MRC2: variants seen among roughly 807,000 people sequenced by gnomAD.
MRC2 encodes C-type mannose receptor 2.
In MRC2, 84 loss-of-function variants were observed where a neutral mutation model predicts 206.2. The ratio of observed to expected loss-of-function variants is 0.41; its 90% confidence interval spans 0.34 to 0.49. The LOEUF is 0.49. Among genes scored for constraint, MRC2 ranks in the 20% least tolerant of loss-of-function variants. The probability of loss-of-function intolerance (pLI) is 0.31; values close to 1 mark genes in which losing one functional copy is unlikely to be tolerated. For synonymous variants in MRC2, 798 were observed against 800.0 expected, an observed-to-expected ratio of 1.00 and a Z score of 0.04; for missense variants, 1,676 against 2,001.5, an observed-to-expected ratio of 0.84 and a Z score of 3.10.
Position 62,692,259 on chromosome 17 carries a change from G to C in MRC2, c.4248G>C (p.Val1416=). The C allele has an allele frequency of 6.2e-7, 1 of 1,608,716 alleles. No individual in the cohort carries two copies. The highest frequency in any genetic ancestry group is 8.5e-7 in the Non-Finnish European group (1 of 1,177,488). The change falls in exon 30 of 30, where the codon GTG becomes GTC. Residue 1416 remains valine, a synonymous_variant. Transcript: ENST00000303375. The surrounding 1 kb of genome is among the most constrained non-coding windows in gnomAD (Gnocchi z 4.2). ...TTCCAGAGAACCCAGCGGCCCTGGTGGTGGTGCTGATGGCGGTGCTGCTGC... is the reference window on the plus strand; with the variant it reads ...TTCCAGAGAACCCAGCGGCCCTGGTCGTGGTGCTGATGGCGGTGCTGCTGC... The part of the protein sequence containing the change: ...SALPENPAAL[V]VVLMAVLLLL...
In MRC2 at chr17:62,676,370, C is replaced by G. The variant is rs1282228985; in HGVS notation, c.1686-13C>G. 1.2e-6 allele frequency: 2 copies of G among 1,613,746 alleles called. No homozygotes were observed. Among genetic ancestry groups the G allele is most frequent in the Non-Finnish European group, 1.7e-6 (2 of 1,179,922 alleles). On this transcript the variant is annotated splice_polypyrimidine_tract_variant and intron_variant, in intron 10 of 29. Coordinates refer to ENST00000303375, the MANE Select transcript of MRC2 (RefSeq NM_006039.5). ...CAGGGAGATCCCTGCCCTGACCAGC[C>G]TGTCTCCTGAAGGTTCGAGCAGGCC...
chr17:62,684,888 C>T (rs1419323866), intron 20 of MRC2, among the ~76,000 whole-genome samples: 1 of 152,202 alleles, frequency 6.6e-6, no homozygotes, highest in Non-Finnish European at 1.5e-5. Flanking sequence ...TGCCTGTAAT[C>T]CCAGCACTTT....
chr17:62,651,637 C>A (rs1433706458), intron 1 of MRC2, among the ~76,000 whole-genome samples: 1 of 152,172 alleles, frequency 6.6e-6, no homozygotes, highest in African/African-American at 2.4e-5. Context: ...TGCAGTGGTG[C>A]GATCTGGGCT....
intron 2 of MRC2, among the ~76,000 whole-genome samples, chr17:62,665,420 A>G (rs1273660467): frequency 2.0e-5 from 3 of 151,930 alleles, no homozygotes; most frequent in Admixed American, 6.6e-5. Context: ...CCACAAAAAA[A>G]AAAAGAAAAG....
chr17:62,689,661 C>T lies in MRC2; in HGVS notation c.3474C>T (p.Ala1158=). The T allele has an allele frequency of 6.3e-7, 1 of 1,593,848 alleles. No individual in the cohort carries two copies. Among genetic ancestry groups the T allele is most frequent in the Middle Eastern group, 1.7e-4 (1 of 6,048 alleles). ...TCCTGCTGTGTGAGAGCCGCAATGC[C>T]AGCCTGGCCTACGTGCCCGACCCCT... ...DALLLCESRN[A]SLAYVPDPYT... is the part of the protein sequence containing the mutation. Residue 1158 remains alanine (A), a synonymous_variant, in exon 24 of 30, where the codon GCC becomes GCT. Coordinates refer to ENST00000303375, the MANE Select transcript of MRC2 (RefSeq NM_006039.5).
In MRC2 at chr17:62,692,013, A is replaced by G; in HGVS notation, c.4193-99A>G. The G allele has an allele frequency of 6.5e-7, 1 of 1,532,116 alleles. No individual in the cohort carries two copies. The highest frequency in any genetic ancestry group is 9.0e-7 in the Non-Finnish European group (1 of 1,113,124). 94.9% of individuals were successfully genotyped at this position (1,532,116 alleles called of 1,614,324 possible). A position where few individuals can be genotyped will look rare whatever the true frequency, so the allele number is the denominator to read the frequency against. ...GGGGAACTAGAGCCTCTTTCTCCCC[A>G]GACCTCCCGGCCCAGGCCTGTGTGC... On this transcript the variant is annotated intron_variant, in intron 28 of 29. Transcript: ENST00000303375. The surrounding 1 kb of genome is among the most constrained non-coding windows in gnomAD (Gnocchi z 4.2).
intron 12 of MRC2, among the ~76,000 whole-genome samples, 195 bp from the exon 13 acceptor site, chr17:62,678,309 C>A (rs1313590455): frequency 6.6e-6 from 1 of 152,172 alleles, no homozygotes; most frequent in Non-Finnish European, 1.5e-5. Flanking sequence ...GGCTCAGGGG[C>A]CCTCTCCAGA....
intron 6 of MRC2, among the ~76,000 whole-genome samples, chr17:62,669,598 C>T (rs1259475198): frequency 6.6e-6 from 1 of 152,040 alleles, no homozygotes; most frequent in Non-Finnish European, 1.5e-5. Flanking sequence ...GGCACAATCT[C>T]CACTCACTGC....
chr17:62,653,318 A>T (rs954890602), intron 1 of MRC2, among the ~76,000 whole-genome samples: 1 of 152,104 alleles, frequency 6.6e-6, no homozygotes, highest in Non-Finnish European at 1.5e-5. Context: ...TTGCCTTCCC[A>T]GAGAACCCCA....
chr17:62,677,103 C>T (rs2088902372), intron 11 of MRC2, among the ~76,000 whole-genome samples, 166 bp from the exon 12 acceptor site: 1 of 152,260 alleles, frequency 6.6e-6, no homozygotes, highest in Admixed American at 6.5e-5. Flanking sequence ...GGCTCTGCCT[C>T]CATTCCCTTC....
Position 62,680,762 on chromosome 17 carries a change from GCCTGGCCGCCGCT to G in MRC2, c.2474-35_2474-23del. 1 of 1,524,224 alleles carries G rather than the reference GCCTGGCCGCCGCT, an allele frequency of 6.6e-7. No homozygotes were observed. Among genetic ancestry groups the G allele is most frequent in the Non-Finnish European group, 8.8e-7 (1 of 1,137,738 alleles). The allele number at this position is 1,524,224 out of a possible 1,614,324, so 94.4% of individuals were successfully genotyped here. On this transcript the variant is annotated intron_variant, in intron 16 of 29. Transcript: ENST00000303375. The surrounding 1 kb of genome is among the most constrained non-coding windows in gnomAD (Gnocchi z 4.8). ...CTCCGGGGCCTGGCGTGCAGCCTCTGCCTGGCCGCCGCTCCCACGCCCGCGCTGCTCCTGCAGG... is the reference window on the plus strand; with the variant it reads ...CTCCGGGGCCTGGCGTGCAGCCTCTGCCCACGCCCGCGCTGCTCCTGCAGG...
chr17:62,676,563 G>T (rs2088895143), intron 11 of MRC2, 32 bp downstream of exon 11: 1 of 1,553,610 alleles, frequency 6.4e-7, no homozygotes, highest in African/African-American at 1.4e-5. Context: ...CCTTGGTGAA[G>T]CGAGGAGGGA....
At chr17:62,688,018 G>A (rs2089053473) in intron 20 of MRC2, among the ~76,000 whole-genome samples, 1 of 152,240 alleles carries the variant, frequency 6.6e-6, no homozygotes, top group Admixed American at 6.5e-5. Flanking sequence ...GCTTGGCCTA[G>A]GCACTGTTGT....
chr17:62,682,006 A>C, intron 19 of MRC2, 69 bp downstream of exon 19: 1 of 1,354,948 alleles, frequency 7.4e-7, no homozygotes, highest in Non-Finnish European at 1.0e-6. Flanking sequence ...GAGCCTGGGC[A>C]GAAGTCATCA....
In MRC2 at chr17:62,674,158, T is replaced by C. The variant is rs1022831687; in HGVS notation, c.1557T>C (p.His519=). The C allele has an allele frequency of 2.6e-6, 4 of 1,549,348 alleles. No individual in the cohort carries two copies. Among genetic ancestry groups the C allele is most frequent in the African/African-American group, 2.7e-5 (2 of 72,996 alleles). ...GCCAGGGGGCCGCCGAGGAGGACCA[T>C]GGCTGCCGGAAGGTGAGGGTGTTTC... ...QLSQGAAEED[H]GCRKGWTWHS... The change falls in exon 9 of 30, where the codon CAT becomes CAC. Residue 519 remains histidine, a synonymous_variant. Transcript: ENST00000303375.
In MRC2 at chr17:62,689,540, C is replaced by A; in HGVS notation, c.3353C>A (p.Ser1118Tyr). 1 of 1,584,644 alleles carries A rather than the reference C, an allele frequency of 6.3e-7. No individual in the cohort carries two copies. Residue 1118 changes from serine to tyrosine, a missense_variant, in exon 24 of 30, where the codon TCC becomes TAC. By Grantham distance (144) the Ser-to-Tyr change is moderately radical (BLOSUM62 -2). Around this residue, in one of 3 missense-constraint regions of MRC2, gnomAD observed 1,354 missense variants for 1,636.6 expected, o/e 0.83. Transcript: ENST00000303375. ...CCTGTAGACCCCTCCCTGAGCCCGT[C>A]CCCAGCAGCGCTGCCCCCCGCCCCG... is the stretch of plus-strand genomic sequence containing the variant. Reference protein sequence around the residue: ...QKGTDPSLSPSPAALPPAPGT... With the variant: ...QKGTDPSLSPYPAALPPAPGT...
At chr17:62,649,358 A>T (rs2088527621) in intron 1 of MRC2, among the ~76,000 whole-genome samples, 1 of 152,264 alleles carries the variant, frequency 6.6e-6, no homozygotes, top group African/African-American at 2.4e-5. Context: ...TGGGAGGCTG[A>T]GGCAGATGGA....
chr17:62,682,975 T>C (rs1477137174), intron 20 of MRC2, among the ~76,000 whole-genome samples: 1 of 152,140 alleles, frequency 6.6e-6, no homozygotes, highest in African/African-American at 2.4e-5. Context: ...ATTTTGATAA[T>C]GAACTCCTAT....
At chr17:62,655,971 C>T (rs1319145692) in intron 1 of MRC2, among the ~76,000 whole-genome samples, 1 of 152,134 alleles carries the variant, frequency 6.6e-6, no homozygotes, top group African/African-American at 2.4e-5. Context: ...CTCACTACTG[C>T]CTCAGACTCC....
Sources: gnomAD v4.1 joint callset for allele counts (sites outside exome capture counted in the v4.1 genomes callset) on GRCh38, gnomAD v4.1.1 for gene constraint, gnomAD v4.1.1 regional missense constraint, Gnocchi (gnomAD v3.1) non-coding constraint, MANE v1.5 for transcripts, NCBI Gene and HGNC (gene_info 2026-07-23, HGNC 2026-07-21) for gene names.